ANKRD30B: variants seen among roughly 807,000 people sequenced by gnomAD.
ANKRD30B encodes ankyrin repeat domain-containing protein 30B.
ANKRD30B carries 144 observed loss-of-function variants against 202.2 expected under a neutral mutation model. The ratio of observed to expected loss-of-function variants is 0.71; its 90% confidence interval spans 0.62 to 0.82. The LOEUF is 0.82. ANKRD30B is among the 40% of genes least tolerant of loss of function. The pLI is 0.00. For missense variants in ANKRD30B, 1,487 were observed against 1,669.1 expected (o/e 0.89, Z 1.90); for synonymous variants, 508 against 561.3 (o/e 0.91, Z 1.34).
the ANKRD30B span, among the ~76,000 whole-genome samples, chr18:14,925,852 A>C: frequency 0.53 from 79,814 of 151,954 alleles, 21,226 homozygotes; most frequent in Non-Finnish European, 0.54. Flanking sequence ...TGACCAAAAG[A>C]AGGAGGGCAC....
chr18:14,869,518 C>T, the ANKRD30B span, among the ~76,000 whole-genome samples: 5 of 152,244 alleles, frequency 3.3e-5, no homozygotes, highest in East Asian at 9.6e-4. Context: ...AATCTTTTAA[C>T]ATTAATTAGC....
the ANKRD30B span, among the ~76,000 whole-genome samples, chr18:14,934,105 C>G: frequency 0.044 from 6,696 of 152,338 alleles, 499 homozygotes; most frequent in African/African-American, 0.15. Flanking sequence ...AAGGGGTCCA[C>G]CCACAGCCTC....
chr18:14,908,986 C>A, the ANKRD30B span, among the ~76,000 whole-genome samples: 2 of 152,182 alleles, frequency 1.3e-5, no homozygotes, highest in African/African-American at 2.4e-5. Context: ...AGGGCTGGGT[C>A]TCTCTGGAAG....
chr18:14,920,328 A>T, the ANKRD30B span, among the ~76,000 whole-genome samples: 3 of 152,202 alleles, frequency 2.0e-5, no homozygotes, highest in Admixed American at 6.5e-5. Flanking sequence ...TTTCTCACAA[A>T]TTCCTCTAAG....
At chr18:14,808,201 G>A (rs928670486) in intron 24 of ANKRD30B, among the ~76,000 whole-genome samples, 8 of 149,436 alleles carry the variant, frequency 5.4e-5, no homozygotes, top group Non-Finnish European at 7.4e-5. Flanking sequence ...TTTTTTTGGC[G>A]GGGGGTCATG....
the ANKRD30B span, among the ~76,000 whole-genome samples, chr18:14,936,333 A>G: frequency 1.2e-4 from 19 of 152,162 alleles, no homozygotes; most frequent in Non-Finnish European, 2.2e-4. Flanking sequence ...CCAAAGGTAC[A>G]TCTAACAGCT....
At chr18:14,867,727 G>T in the ANKRD30B span, among the ~76,000 whole-genome samples, 1 of 152,104 alleles carries the variant, frequency 6.6e-6, no homozygotes, top group Non-Finnish European at 1.5e-5. Flanking sequence ...GGGAGCCCCG[G>T]GCACTGTGGT....
chr18:14,849,451 C>T (rs2143256061), intron 40 of ANKRD30B, among the ~76,000 whole-genome samples: 1 of 151,808 alleles, frequency 6.6e-6, no homozygotes, highest in South Asian at 2.1e-4. Context: ...TTTAACTATA[C>T]ACTTTTAATC....
At chr18:14,798,979 A>C in intron 20 of ANKRD30B, 122 bp from the exon 21 acceptor site, 2 of 1,060,156 alleles carry the variant, frequency 1.9e-6, no homozygotes, top group Non-Finnish European at 1.5e-6. Flanking sequence ...CCCAAAACCT[A>C]GTGTAATCCC....
At chr18:14,846,689 G>C (rs1318050989) in intron 39 of ANKRD30B, among the ~76,000 whole-genome samples, 2 of 151,924 alleles carry the variant, frequency 1.3e-5, no homozygotes, top group Non-Finnish European at 2.9e-5. Context: ...CTTGTTTATT[G>C]CTGGTAATGT....
At position 14,843,501 on chromosome 18, in the gene ANKRD30B, G is replaced by GT. The variant is rs1971504757; in HGVS notation, c.3181+406dup. ...TTAACATTGGTTACCTCATGGGACT[G>GT]TAGTCATTTGAAGCATCCTAAGGAA... On this transcript the variant is annotated intron_variant, in intron 39 of 43. Transcript: ENST00000690538. 2.0e-5 allele frequency among the ~76,000 whole-genome samples: 3 copies of GT among 151,142 alleles called. No homozygotes were observed. The South Asian group carries it at 6.2e-4, about 31-fold the overall frequency.
Position 14,752,626 on chromosome 18 carries a change from CAGAA to C in ANKRD30B, c.285_288del (p.Arg95SerfsTer15). The C allele has an allele frequency of 6.2e-7, 1 of 1,611,288 alleles. No individual in the cohort carries two copies. Among genetic ancestry groups the C allele is most frequent in the Non-Finnish European group, 8.5e-7 (1 of 1,178,442 alleles). On this transcript the variant is annotated frameshift_variant, in exon 2 of 44. Coordinates refer to ENST00000690538, the MANE Select transcript of ANKRD30B (RefSeq NM_001367607.2). LOFTEE classifies it high-confidence loss of function. The stretch of plus-strand genomic sequence containing the variant: ...CAGAAGTAGTAACATTTCTGGTAGA[CAGAA>C]AGTGCCAGCTTAATGTCCTTGATGG...
At chr18:14,783,641 T>C (rs1363983269) in intron 12 of ANKRD30B, among the ~76,000 whole-genome samples, 1 of 152,130 alleles carries the variant, frequency 6.6e-6, no homozygotes, top group African/African-American at 2.4e-5. Context: ...CTTAACAATA[T>C]AAAAAGTTAT....
At chr18:14,858,691 T>C (rs199759436), downstream of ANKRD30B, among the ~76,000 whole-genome samples, 2,393 of 119,052 alleles carry the variant, frequency 0.02, 90 homozygotes, top group African/African-American at 0.068. Flanking sequence ...AGACGATGGG[T>C]GGCCGGGCAG....
chr18:14,930,366 G>C, the ANKRD30B span, among the ~76,000 whole-genome samples: 1 of 151,648 alleles, frequency 6.6e-6, no homozygotes, highest in Non-Finnish European at 1.5e-5. Flanking sequence ...TGGGTGGTGG[G>C]TGGGGTGCAG....
At chr18:14,913,688 A>G in the ANKRD30B span, among the ~76,000 whole-genome samples, 1 of 152,134 alleles carries the variant, frequency 6.6e-6, no homozygotes, top group Admixed American at 6.5e-5. Flanking sequence ...AGTTTTTAAC[A>G]ATGACTGTAA....
At chr18:14,781,645 G>A (rs1272617400) in intron 11 of ANKRD30B, among the ~76,000 whole-genome samples, 2 of 33,558 alleles carry the variant, frequency 6.0e-5, no homozygotes, top group Non-Finnish European at 1.4e-4. Flanking sequence ...ACCAGCTGCA[G>A]GGAGTCTGTC....
intron 15 of ANKRD30B, 27 bp downstream of exon 15, chr18:14,787,127 A>T: frequency 1.3e-6 from 2 of 1,579,226 alleles, no homozygotes; most frequent in Non-Finnish European, 1.7e-6. Flanking sequence ...ATTTTTTTAA[A>T]TATTAGTATT....
intron 28 of ANKRD30B, among the ~76,000 whole-genome samples, 191 bp downstream of exon 28, chr18:14,810,371 A>G (rs1352945151): frequency 5.3e-5 from 8 of 151,384 alleles, no homozygotes; most frequent in African/African-American, 1.7e-4. Flanking sequence ...GGATTTAGAA[A>G]AAAATTCTGC....
Sources: gnomAD v4.1 joint callset for allele counts (sites outside exome capture counted in the v4.1 genomes callset) on GRCh38, gnomAD v4.1.1 for gene constraint, MANE v1.5 for transcripts, NCBI Gene and HGNC (gene_info 2026-07-23, HGNC 2026-07-21) for gene names.